NPR1: variants seen among roughly 807,000 people sequenced by gnomAD.
NPR1 encodes the protein atrial natriuretic peptide receptor 1.
Under a neutral mutation model 116.9 loss-of-function variants are expected in NPR1, and 57 were observed. The ratio of observed to expected loss-of-function variants is 0.49; its 90% confidence interval spans 0.39 to 0.61. The LOEUF is 0.61. NPR1 is among the 20% of genes least tolerant of loss of function. The pLI is 0.00. For missense variants in NPR1, 1,096 were observed against 1,409.8 expected, an observed-to-expected ratio of 0.78 and a Z score of 3.56; for synonymous variants, 555 against 601.6, an observed-to-expected ratio of 0.92 and a Z score of 1.13.
chr1:153,683,914 A>T, intron 7 of NPR1, 90 bp downstream of exon 7: 4 of 1,101,452 alleles, frequency 3.6e-6, no homozygotes, highest in Non-Finnish European at 4.1e-6. Flanking sequence ...GGAAGAGGGC[A>T]GGGGTGAAGG....
chr1:153,683,424 G>A lies in NPR1; in HGVS notation c.1312G>A (p.Gly438Arg). The A allele has an allele frequency of 6.2e-7, 1 of 1,614,168 alleles. No individual in the cohort carries two copies. The highest frequency in any genetic ancestry group is 8.5e-7 in the Non-Finnish European group (1 of 1,180,028). ...GTSQELVAVS[G>R]RKLNWPLGYP... ...TTCCCAAGAGCTGGTGGCTGTGTCG[G>A]GGCGCAAACTGAACTGGCCCCTGGG... is the stretch of plus-strand genomic sequence containing the variant. Residue 438 changes from glycine to arginine, a missense_variant, in exon 6 of 22, where the codon GGG (glycine) becomes AGG (arginine). Transcript: ENST00000368680.
intron 20 of NPR1, among the ~76,000 whole-genome samples, chr1:153,690,942 C>CAAAAAAAAAA (rs57820357): frequency 1.2e-4 from 6 of 51,316 alleles, no homozygotes; most frequent in African/African-American, 4.2e-4. Context: ...AACTCTGTCT[C>CAAAAAAAAAA]AAAAAAAAAA....
At chr1:153,688,878 T>C in intron 15 of NPR1, 75 bp from the exon 16 acceptor site, 1 of 1,572,810 alleles carries the variant, frequency 6.4e-7, no homozygotes, top group South Asian at 1.1e-5. Flanking sequence ...GAGGGGGAAG[T>C]GCCTAGGGGC....
In NPR1 at chr1:153,689,394, A is replaced by G; in HGVS notation, c.2689-59A>G. On this transcript the variant is annotated intron_variant, in intron 17 of 21. Transcript: ENST00000368680. The surrounding 1 kb of genome is among the most constrained non-coding windows in gnomAD (Gnocchi z 5.1). ...CCTGCCTTCTGGTTCTGCTTTACCC[A>G]CCTGACCCCAGGTGGGGTCCCCTAC... 1 of 1,613,320 alleles carries G rather than the reference A, an allele frequency of 6.2e-7. No individual in the cohort carries two copies. The highest frequency in any genetic ancestry group is 8.5e-7 in the Non-Finnish European group (1 of 1,179,526).
chr1:153,690,065 T>A, intron 19 of NPR1, 85 bp downstream of exon 19: 1 of 1,088,712 alleles, frequency 9.2e-7, no homozygotes, highest in Non-Finnish European at 1.2e-6. Context: ...CCCTCGCCCT[T>A]TCATCTCTCT....
intron 20 of NPR1, 91 bp downstream of exon 20, chr1:153,690,473 C>A: frequency 1.1e-6 from 1 of 902,008 alleles, no homozygotes; most frequent in Non-Finnish European, 1.8e-6. Context: ...CAGCCCGTTT[C>A]AGCTCCTAGC....
chr1:153,689,120 ACCC>A lies in NPR1; in HGVS notation c.2564+27_2564+29del, dbSNP rs111230362. On this transcript the variant is annotated intron_variant, in intron 16 of 21. Transcript: ENST00000368680. This position sits in a 1 kb window ranked among gnomAD's most constrained non-coding sequence, Gnocchi z 5.1. Reference sequence around the variant, plus strand: ...CCTCAGTGAGTGCCTGAGTCTGGGGACCCCCCCCAACACAAAGCCCCTGTCCCG... The same window carrying A: ...CCTCAGTGAGTGCCTGAGTCTGGGGACCCCCAACACAAAGCCCCTGTCCCG... The A allele has an allele frequency of 6.2e-7, 1 of 1,611,000 alleles. No individual in the cohort carries two copies. Among genetic ancestry groups the A allele is most frequent in the South Asian group, 1.1e-5 (1 of 90,900 alleles).
intron 20 of NPR1, among the ~76,000 whole-genome samples, chr1:153,691,110 G>A (rs1670098368): frequency 1.3e-5 from 2 of 152,098 alleles, no homozygotes; most frequent in African/African-American, 4.8e-5. Flanking sequence ...TGTAAAAAGA[G>A]GGAAAAAATC....
In NPR1 at chr1:153,693,203, G is replaced by C; in HGVS notation, c.3123+6G>C. ...GAGGGGATGTAGAAATGAAGGTAGA[G>C]GGAGAAGCCTCTGCCCTCCCCACCT... On this transcript the variant is annotated splice_donor_region_variant and intron_variant, in intron 21 of 21. Transcript: ENST00000368680. 1 of 1,613,662 alleles carries C rather than the reference G, an allele frequency of 6.2e-7. No homozygotes were observed. The highest frequency in any genetic ancestry group is 1.1e-5 in the South Asian group (1 of 91,042).
intron 19 of NPR1, 139 bp from the exon 20 acceptor site, chr1:153,690,139 TCTCACA>T (rs1670061949): frequency 2.6e-5 from 12 of 453,974 alleles, no homozygotes; most frequent in Admixed American, 4.3e-5. Flanking sequence ...TCTCTCTCTC[TCTCACA>T]CACACACACA....
chr1:153,679,201 C>A lies in NPR1; in HGVS notation c.93C>A (p.His31Gln). ...PPLLLLLRGS[H>Q]AGNLTVAVVL... ...TGCTGCTGCTGCTCCGGGGCAGCCA[C>A]GCGGGCAACCTGACGGTAGCCGTGG... The change falls in exon 1 of 22, where the codon CAC (histidine) becomes CAA (glutamine). Residue 31 changes from histidine to glutamine, a missense_variant. Physicochemically the swap from His to Gln is conservative, Grantham distance 24. Coordinates refer to ENST00000368680, the MANE Select transcript of NPR1 (RefSeq NM_000906.4). The surrounding 1 kb of genome is among the most constrained non-coding windows in gnomAD (Gnocchi z 4.2). The A allele has an allele frequency of 6.6e-7, 1 of 1,514,014 alleles. No homozygotes were observed. Among genetic ancestry groups the A allele is most frequent in the Non-Finnish European group, 8.8e-7 (1 of 1,136,178 alleles). The allele number at this position is 1,514,014 out of a possible 1,614,324, so 93.8% of individuals were successfully genotyped here. A position where few individuals can be genotyped will look rare whatever the true frequency, so the allele number is the denominator to read the frequency against.
At chr1:153,690,416 G>A (rs1670074407) in intron 20 of NPR1, 34 bp downstream of exon 20, 2 of 1,502,122 alleles carry the variant, frequency 1.3e-6, no homozygotes, top group Non-Finnish European at 1.8e-6. Context: ...AATGGGGAGG[G>A]CAGGGTGGCT....
chr1:153,684,394 T>C (rs968876649), intron 7 of NPR1, among the ~76,000 whole-genome samples: 4 of 137,742 alleles, frequency 2.9e-5, no homozygotes, highest in African/African-American at 8.0e-5. Flanking sequence ...TTCTTTTTTT[T>C]TTTTTTTTTT....
chr1:153,687,919 T>C (rs28730730), intron 14 of NPR1, 130 bp downstream of exon 14: 2 of 1,129,220 alleles, frequency 1.8e-6, no homozygotes, highest in East Asian at 2.4e-5. Flanking sequence ...CTTTGACCCA[T>C]TGCTGCCAGT....
intron 20 of NPR1, among the ~76,000 whole-genome samples, chr1:153,692,432 G>T (rs1670131914): frequency 1.3e-5 from 2 of 151,862 alleles, no homozygotes; most frequent in Non-Finnish European, 2.9e-5. Flanking sequence ...TGTATTCTGT[G>T]CTGTCCAATA....
In NPR1 at chr1:153,689,920, T is replaced by G. The variant is rs762511314; in HGVS notation, c.2872T>G (p.Ser958Ala). 20 of 1,555,878 alleles carry G rather than the reference T, an allele frequency of 1.3e-5. No individual in the cohort carries two copies. The highest frequency in any genetic ancestry group is 1.7e-5 in the Non-Finnish European group (20 of 1,148,378). The change falls in exon 19 of 22, where the codon TCC becomes GCC. Residue 958 changes from serine to alanine, a missense_variant. Ser to Ala is a moderately conservative substitution (Grantham distance 99). Transcript: ENST00000368680. This position sits in a 1 kb window ranked among gnomAD's most constrained non-coding sequence, Gnocchi z 5.1. ...MALALLDAVR[S>A]FRIRHRPQEQ... The stretch of plus-strand genomic sequence containing the variant: ...CCTGGCACTGCTGGATGCTGTGCGC[T>G]CCTTCCGAATCCGCCACCGGCCCCA...
At position 153,688,654 on chromosome 1, in the gene NPR1, C is replaced by T. The variant is rs887886283; in HGVS notation, c.2418-299C>T. ...ACCCTTCTGTGGACATCACTTTGTC[C>T]GCAATTGACCCTTGTCATTCTCCAC... On this transcript the variant is annotated intron_variant, in intron 15 of 21. Transcript: ENST00000368680. 21 of 474,886 alleles carry T rather than the reference C, an allele frequency of 4.4e-5. 1 individual carries two copies. Among genetic ancestry groups the T allele is most frequent in the South Asian group, 4.2e-4 (15 of 35,442 alleles). The allele number at this position is 474,886 out of a possible 1,614,324, so 29.4% of individuals were successfully genotyped here. A position where few individuals can be genotyped will look rare whatever the true frequency, so the allele number is the denominator to read the frequency against.
rs775002898 is a variant in NPR1, at chr1:153,681,309, G to A, written c.1035+16G>A. 38 of 1,487,464 alleles carry A rather than the reference G, an allele frequency of 2.6e-5. No individual in the cohort carries two copies. Among genetic ancestry groups the A allele is most frequent in the South Asian group, 1.2e-4 (11 of 88,456 alleles). 92.1% of individuals were successfully genotyped at this position (1,487,464 alleles called of 1,614,324 possible). ...GGATGGCCTGGTAAGAAGGGGTCCC[G>A]GGACCCTCCAGCGTGGACCTCCAGC... On this transcript the variant is annotated intron_variant, in intron 3 of 21. Coordinates refer to ENST00000368680, the MANE Select transcript of NPR1 (RefSeq NM_000906.4).
At position 153,685,865 on chromosome 1, in the gene NPR1, G is replaced by A. The variant is rs753581611; in HGVS notation, c.1665G>A (p.Lys555=). Residue 555 remains lysine, a synonymous_variant, in exon 9 of 22, where the codon AAG becomes AAA. Coordinates refer to ENST00000368680, the MANE Select transcript of NPR1 (RefSeq NM_000906.4). ...TTEGQFQVFA[K]TAYYKGNLVA... is the part of the protein sequence containing the mutation. The stretch of plus-strand genomic sequence containing the variant: ...AGGGCCAGTTCCAAGTCTTTGCCAA[G>A]ACAGCATATTATAAGGTGGGCCTGG... 3.1e-6 allele frequency: 5 copies of A among 1,614,058 alleles called. No homozygotes were observed. The South Asian group carries it at 5.5e-5, about 18-fold the overall frequency.
Sources: allele counts gnomAD v4.1 joint callset (sites outside exome capture counted in the v4.1 genomes callset), GRCh38; gene constraint gnomAD v4.1.1; non-coding constraint Gnocchi (gnomAD v3.1); transcripts MANE v1.5; gene names NCBI Gene and HGNC (gene_info 2026-07-23, HGNC 2026-07-21).